Variants in KATNAL1 observed in about 807,000 individuals in gnomAD.
The protein encoded by KATNAL1 is katanin catalytic subunit A1 like 1.
In KATNAL1, 32 loss-of-function variants were observed where a neutral mutation model predicts 55.2. The observed-to-expected ratio is 0.58, with a 90% CI of 0.44 to 0.78. The LOEUF is 0.78. KATNAL1 is among the 30% of genes least tolerant of loss of function. The pLI, the probability that KATNAL1 is intolerant of heterozygous loss-of-function variation, is 0.00. For missense variants in KATNAL1, 466 were observed against 600.9 expected (o/e 0.78, Z 2.35); for synonymous variants, 193 against 193.6 (o/e 1.00, Z 0.02).
At chr13:30,274,894 C>A (rs762370535) in intron 3 of KATNAL1, among the ~76,000 whole-genome samples, 2 of 93,280 alleles carry the variant, frequency 2.1e-5, no homozygotes, top group East Asian at 6.1e-4. Context: ...CACACATACG[C>A]GCGCGCGCGC....
intron 9 of KATNAL1, among the ~76,000 whole-genome samples, chr13:30,223,251 A>T (rs576674441): frequency 2.0e-5 from 3 of 151,798 alleles, no homozygotes; most frequent in Non-Finnish European, 4.4e-5. Flanking sequence ...CATCCTGGCT[A>T]ACACGGTGAA....
chr13:30,288,729 A>T (rs1175570584), intron 1 of KATNAL1, among the ~76,000 whole-genome samples: 1 of 152,156 alleles, frequency 6.6e-6, no homozygotes, highest in Non-Finnish European at 1.5e-5. Flanking sequence ...TTTCAATCTC[A>T]CTTCTAAATT....
intron 2 of KATNAL1, among the ~76,000 whole-genome samples, chr13:30,282,425 G>T (rs998895709): frequency 3.9e-5 from 6 of 152,088 alleles, no homozygotes; most frequent in African/African-American, 1.4e-4. Flanking sequence ...ATCACTGGAA[G>T]CCAGGAGTTT....
rs773163342 is a variant in KATNAL1 at position 30,203,537 on chromosome 13, T to C, written c.*5003A>G. 31 of 152,222 alleles carry C rather than the reference T, an allele frequency of 2.0e-4. No homozygotes were observed. The highest frequency in any genetic ancestry group is 4.3e-4 in the Non-Finnish European group (29 of 68,020). 9.4% of individuals were successfully genotyped at this position (152,222 alleles called of 1,614,324 possible). ...CTTTTATAAGAGGGAAACTTCTCTA[T>C]ACAAATTCCCTATTTTTTTGTGTCA... On this transcript the variant is annotated 3_prime_UTR_variant, in exon 11 of 11. Transcript: ENST00000380615.
At chr13:30,237,241 G>A (rs1034986461) in intron 6 of KATNAL1, among the ~76,000 whole-genome samples, 7 of 152,164 alleles carry the variant, frequency 4.6e-5, no homozygotes, top group African/African-American at 1.7e-4. Context: ...TTTACCCAGT[G>A]TAAATTTATC....
intron 2 of KATNAL1, among the ~76,000 whole-genome samples, chr13:30,281,411 A>G (rs1881314881): frequency 6.6e-6 from 1 of 152,166 alleles, no homozygotes; most frequent in African/African-American, 2.4e-5. Context: ...ATGTCTGAGT[A>G]GAAATGGTCA....
intron 1 of KATNAL1, among the ~76,000 whole-genome samples, chr13:30,287,442 T>C (rs1593176896): frequency 6.6e-6 from 1 of 152,238 alleles, no homozygotes; most frequent in African/African-American, 2.4e-5. Flanking sequence ...TCCGCCATGA[T>C]TGTAAGTTTC....
intron 3 of KATNAL1, among the ~76,000 whole-genome samples, chr13:30,270,269 C>T (rs1367072824): frequency 1.4e-5 from 2 of 143,750 alleles, no homozygotes; most frequent in South Asian, 4.3e-4. Context: ...GCCCCCCCGC[C>T]CGGCCAGCCA....
intron 2 of KATNAL1, 36 bp from the exon 3 acceptor site, chr13:30,280,259 G>C (rs374233282): frequency 6.7e-7 from 1 of 1,488,922 alleles, no homozygotes; most frequent in Non-Finnish European, 9.0e-7. Flanking sequence ...GCTAGAAGCT[G>C]TTTAAATACT....
intron 3 of KATNAL1, among the ~76,000 whole-genome samples, chr13:30,259,485 C>A (rs1056018443): frequency 6.6e-6 from 1 of 152,194 alleles, no homozygotes; most frequent in African/African-American, 2.4e-5. Context: ...TAGGGAGTGC[C>A]AGACAGTGGG....
intron 1 of KATNAL1, among the ~76,000 whole-genome samples, chr13:30,302,906 C>CTA (rs1286414453): frequency 3.3e-5 from 5 of 152,116 alleles, no homozygotes; most frequent in Admixed American, 3.3e-4. Context: ...CTAAAGAGTT[C>CTA]TATAATACCC....
intron 4 of KATNAL1, among the ~76,000 whole-genome samples, chr13:30,245,250 A>G (rs1877670998): frequency 6.6e-6 from 1 of 152,204 alleles, no homozygotes; most frequent in Admixed American, 6.5e-5. Flanking sequence ...CTAGTTCAAC[A>G]TACGCAAATC....
At chr13:30,265,145 T>TTC (rs1879644821) in intron 3 of KATNAL1, among the ~76,000 whole-genome samples, 1 of 150,782 alleles carries the variant, frequency 6.6e-6, no homozygotes, top group South Asian at 2.1e-4. Flanking sequence ...ACACCGCATA[T>TTC]TCTCACTCAT....
chr13:30,237,750 T>C (rs1404941381), intron 6 of KATNAL1, among the ~76,000 whole-genome samples: 4 of 152,234 alleles, frequency 2.6e-5, no homozygotes, highest in African/African-American at 7.2e-5. Context: ...TCCTTATCTC[T>C]TTCCCCAGAA....
At chr13:30,275,457 G>C (rs141159818) in intron 3 of KATNAL1, among the ~76,000 whole-genome samples, 1 of 152,104 alleles carries the variant, frequency 6.6e-6, no homozygotes, top group Non-Finnish European at 1.5e-5. Flanking sequence ...TTCAACATGG[G>C]ATTAATGGGA....
chr13:30,261,303 G>A (rs1419804837), intron 3 of KATNAL1, among the ~76,000 whole-genome samples: 1 of 151,600 alleles, frequency 6.6e-6, no homozygotes, highest in African/African-American at 2.4e-5. Flanking sequence ...GGAAGAAACT[G>A]CATCAACTAA....
At chr13:30,262,931 G>A (rs1879429844) in intron 3 of KATNAL1, among the ~76,000 whole-genome samples, 1 of 152,164 alleles carries the variant, frequency 6.6e-6, no homozygotes, top group South Asian at 2.1e-4. Flanking sequence ...GAGAATTTCA[G>A]ACCAATATCC....
At chr13:30,302,555 G>A (rs1882922681) in intron 1 of KATNAL1, among the ~76,000 whole-genome samples, 1 of 151,922 alleles carries the variant, frequency 6.6e-6, no homozygotes, top group African/African-American at 2.4e-5. Flanking sequence ...GACATATAAA[G>A]ACACTCACAG....
At position 30,204,302 on chromosome 13, in the gene KATNAL1, A is replaced by C. The variant is rs1342106885; in HGVS notation, c.*4238T>G. 1.3e-5 allele frequency: 2 copies of C among 152,182 alleles called. No homozygotes were observed. The highest frequency in any genetic ancestry group is 2.9e-5 in the Non-Finnish European group (2 of 68,034). The allele number at this position is 152,182 out of a possible 1,614,324, so 9.4% of individuals were successfully genotyped here. A position where few individuals can be genotyped will look rare whatever the true frequency, so the allele number is the denominator to read the frequency against. Reference sequence around the variant, plus strand: ...CCCTAAACTGATTTATCACTAATAAAAGTTATCTTAAGAGTGGGAATCCAC... The same window carrying C: ...CCCTAAACTGATTTATCACTAATAACAGTTATCTTAAGAGTGGGAATCCAC... On this transcript the variant is annotated 3_prime_UTR_variant, in exon 11 of 11. Transcript: ENST00000380615.
Sources: allele counts gnomAD v4.1 joint callset (sites outside exome capture counted in the v4.1 genomes callset), GRCh38; gene constraint gnomAD v4.1.1; transcripts MANE v1.5; gene names NCBI Gene and HGNC (gene_info 2026-07-23, HGNC 2026-07-21).